The following EIF4A1 variants were observed in gnomAD, a reference collection of about 807,000 sequenced individuals.
EIF4A1 encodes the protein eukaryotic translation initiation factor 4A1.
EIF4A1 carries 11 observed loss-of-function variants against 53.5 expected under a neutral mutation model. That is an observed-to-expected ratio of 0.21 (90% CI 0.13 to 0.34). The LOEUF (loss-of-function observed/expected upper bound fraction) is 0.34. Ranked by LOEUF, EIF4A1 falls within the 10% of genes least tolerant of loss-of-function variation. EIF4A1 has a pLI of 1.00. For missense variants in EIF4A1, 213 were observed against 530.8 expected (o/e 0.40, Z 5.88); for synonymous variants, 237 against 186.7 (o/e 1.27, Z -2.20).
In EIF4A1 at chr17:7,577,756, CCTA is replaced by C; in HGVS notation, c.906+53_906+55del. On this transcript the variant is annotated intron_variant, in intron 8 of 10. Coordinates refer to ENST00000293831, the MANE Select transcript of EIF4A1 (RefSeq NM_001416.4). The surrounding 1 kb of genome is among the most constrained non-coding windows in gnomAD (Gnocchi z 4.7). ...TTGTGGGTCTGCCCGTCAGAAGTGT[CCTA>C]CTTGAAGCCAGGGTTCCTGGAACCC... 6.2e-7 allele frequency: 1 copy of C among 1,613,844 alleles called. No individual in the cohort carries two copies. Among genetic ancestry groups the C allele is most frequent in the Non-Finnish European group, 8.5e-7 (1 of 1,180,010 alleles).
In EIF4A1 at chr17:7,576,689, C is replaced by A. The variant is rs1286851546; in HGVS notation, c.511C>A (p.Leu171Met). Residue 171 changes from leucine (L) to methionine (M), a missense_variant, in exon 5 of 11, where the codon CTG becomes ATG. This residue lies in a region of EIF4A1 where 119 missense variants were observed against 351.0 expected (regional missense o/e 0.34). Coordinates refer to ENST00000293831, the MANE Select transcript of EIF4A1 (RefSeq NM_001416.4). The stretch of plus-strand genomic sequence containing the variant: ...GTTTGATATGCTTAACCGGAGATAC[C>A]TGTGTGAGTAATTCGGTTCTCCAAT... ...RVFDMLNRRY[L>M]SPKYIKMFVL... 4 of 1,600,992 alleles carry A rather than the reference C, an allele frequency of 2.5e-6. No individual in the cohort carries two copies. Among genetic ancestry groups the A allele is most frequent in the Non-Finnish European group, 3.4e-6 (4 of 1,172,772 alleles).
At chr17:7,575,645 T>G in intron 4 of EIF4A1, 1 of 346,040 alleles carries the variant, frequency 2.9e-6, no homozygotes, top group African/African-American at 2.1e-5. Flanking sequence ...GCACACACAA[T>G]TCTAATGCTG....
chr17:7,574,012 G>T, intron 1 of EIF4A1: 2 of 519,182 alleles, frequency 3.9e-6, no homozygotes, highest in Non-Finnish European at 6.9e-6. Flanking sequence ...CACGCCTGCC[G>T]GCCTGTCTTC....
intron 5 of EIF4A1, 114 bp from the exon 6 acceptor site, chr17:7,576,942 A>G: frequency 7.2e-7 from 1 of 1,385,462 alleles, no homozygotes; most frequent in South Asian, 1.2e-5. Context: ...CAGTCTTTGT[A>G]CTCTGAGAGC....
At position 7,578,717 on chromosome 17, in the gene EIF4A1, CACTA is replaced by C. The variant is rs1231794547; in HGVS notation, c.*233_*236del. 2.9e-6 allele frequency: 1 copy of C among 339,860 alleles called. No homozygotes were observed. Among genetic ancestry groups the C allele is most frequent in the Non-Finnish European group, 5.2e-6 (1 of 191,932 alleles). The allele number at this position is 339,860 out of a possible 1,614,324, so 21.1% of individuals were successfully genotyped here. ...TCTTCTCCCAAAAAAAAAAAAAAAACACTAATCCATTTCCCTAACCTAGTAACCT... is the reference window on the plus strand; with the variant it reads ...TCTTCTCCCAAAAAAAAAAAAAAAACATCCATTTCCCTAACCTAGTAACCT... On this transcript the variant is annotated 3_prime_UTR_variant, in exon 11 of 11. Transcript: ENST00000293831.
Position 7,578,506 on chromosome 17 carries a change from G to A in EIF4A1, c.*20G>A, listed in dbSNP as rs759368862. 2.2e-5 allele frequency: 35 copies of A among 1,559,944 alleles called. No homozygotes were observed. Among genetic ancestry groups the A allele is most frequent in the East Asian group, 1.1e-4 (5 of 44,080 alleles). ...ATCTGAGGGGCTGTCCTGCCACCCA[G>A]CCCCAGCCAGGGCTCAATCTCTGGG... is the stretch of plus-strand genomic sequence containing the variant. On this transcript the variant is annotated 3_prime_UTR_variant, in exon 11 of 11. Coordinates refer to ENST00000293831, the MANE Select transcript of EIF4A1 (RefSeq NM_001416.4).
In EIF4A1 at chr17:7,577,210, G is replaced by T. The variant is rs781272890; in HGVS notation, c.624+45G>T. The T allele has an allele frequency of 1.8e-5, 28 of 1,566,624 alleles. No individual in the cohort carries two copies. The highest frequency in any genetic ancestry group is 2.2e-5 in the Non-Finnish European group (26 of 1,160,458). Reference sequence around the variant, plus strand: ...AATAGCTAATGATTCTTGAAAAATAGTAAGTGCCAGGGGAACCATATACTG... The same window carrying T: ...AATAGCTAATGATTCTTGAAAAATATTAAGTGCCAGGGGAACCATATACTG... On this transcript the variant is annotated intron_variant, in intron 6 of 10. Transcript: ENST00000293831. The surrounding 1 kb of genome is among the most constrained non-coding windows in gnomAD (Gnocchi z 4.7).
intron 9 of EIF4A1, 85 bp from the exon 10 acceptor site, chr17:7,578,080 C>G: frequency 6.3e-7 from 1 of 1,595,594 alleles, no homozygotes; most frequent in Non-Finnish European, 8.6e-7. Context: ...CCTTCCTTGG[C>G]TGCCCACATG....
chr17:7,578,013 G>A, intron 9 of EIF4A1, 97 bp downstream of exon 9: 1 of 1,580,258 alleles, frequency 6.3e-7, no homozygotes, highest in Non-Finnish European at 8.7e-7. Flanking sequence ...GTAGCAGCTT[G>A]GAATAGAATC....
chr17:7,574,566 T>G lies in EIF4A1; in HGVS notation c.93T>G (p.Val31=). Residue 31 remains valine (V), a synonymous_variant, in exon 3 of 11, where the codon GTT becomes GTG. Transcript: ENST00000293831. ...GVIESNWNEI[V]DSFDDMNLSE... The stretch of plus-strand genomic sequence containing the variant: ...CCTAGAGTAACTGGAATGAGATTGT[T>G]GACAGCTTTGATGACATGAACCTCT... 1 of 1,612,450 alleles carries G rather than the reference T, an allele frequency of 6.2e-7. No individual in the cohort carries two copies. The highest frequency in any genetic ancestry group is 8.5e-7 in the Non-Finnish European group (1 of 1,179,982).
At chr17:7,574,966 G>A in intron 3 of EIF4A1, 153 bp from the exon 4 acceptor site, 1 of 1,147,790 alleles carries the variant, frequency 8.7e-7, no homozygotes, top group Non-Finnish European at 1.3e-6. Flanking sequence ...TTCTGATCTG[G>A]TTCCCATTGT....
chr17:7,577,719 G>A lies in EIF4A1; in HGVS notation c.906+13G>A, dbSNP rs372471773. The A allele has an allele frequency of 2.4e-5, 38 of 1,613,286 alleles. No individual in the cohort carries two copies. Among genetic ancestry groups the A allele is most frequent in the African/African-American group, 5.4e-5 (4 of 74,756 alleles). On this transcript the variant is annotated intron_variant, in intron 8 of 10. Transcript: ENST00000293831. This position sits in a 1 kb window ranked among gnomAD's most constrained non-coding sequence, Gnocchi z 4.7. ...TGTATCCGCCATGGTGTGTTTGCCC[G>A]CTGCCAGCCTGTTGTGGGTCTGCCC...
chr17:7,578,704 A>G lies in EIF4A1; in HGVS notation c.*218A>G. The stretch of plus-strand genomic sequence containing the variant: ...CCCAGGCGCCGGCTCTTCTCCCAAA[A>G]AAAAAAAAAAAACACTAATCCATTT... On this transcript the variant is annotated 3_prime_UTR_variant, in exon 11 of 11. Transcript: ENST00000293831. 1 of 375,842 alleles carries G rather than the reference A, an allele frequency of 2.7e-6. No homozygotes were observed. Among genetic ancestry groups the G allele is most frequent in the Non-Finnish European group, 4.6e-6 (1 of 216,794 alleles). The allele number at this position is 375,842 out of a possible 1,614,324, so 23.3% of individuals were successfully genotyped here. A position where few individuals can be genotyped will look rare whatever the true frequency, so the allele number is the denominator to read the frequency against.
At chr17:7,576,457 A>G in intron 4 of EIF4A1, 67 bp from the exon 5 acceptor site, 1 of 1,479,120 alleles carries the variant, frequency 6.8e-7, no homozygotes. Flanking sequence ...AATACATGAA[A>G]AACATTTAAG....
intron 1 of EIF4A1, chr17:7,573,191 C>G (rs1005380870): frequency 4.0e-5 from 21 of 523,038 alleles, no homozygotes; most frequent in Non-Finnish European, 6.9e-5. Context: ...TGGAGGCGGC[C>G]GCCACTATGT....
intron 3 of EIF4A1, 29 bp from the exon 4 acceptor site, chr17:7,575,090 C>A (rs577291092): frequency 6.2e-7 from 1 of 1,610,568 alleles, no homozygotes; most frequent in African/African-American, 1.3e-5. Context: ...TGCTCTTTAC[C>A]ACATTCAACT....
At chr17:7,572,939 TGA>T (rs2071343055) in intron 1 of EIF4A1, 75 bp downstream of exon 1, 1 of 1,612,496 alleles carries the variant, frequency 6.2e-7, no homozygotes, top group African/African-American at 1.3e-5. Flanking sequence ...CGGGGGTAGC[TGA>T]GAGGCCCACC....
chr17:7,578,276 C>G (rs768075454), intron 10 of EIF4A1, 32 bp downstream of exon 10: 1 of 1,614,090 alleles, frequency 6.2e-7, no homozygotes. Flanking sequence ...TCCCCTACCC[C>G]TTCACACCTG....
chr17:7,577,776 C>G lies in EIF4A1; in HGVS notation c.907-51C>G. 1 of 1,614,058 alleles carries G rather than the reference C, an allele frequency of 6.2e-7. No individual in the cohort carries two copies. Among genetic ancestry groups the G allele is most frequent in the Admixed American group, 1.7e-5 (1 of 60,008 alleles). On this transcript the variant is annotated intron_variant, in intron 8 of 10. Transcript: ENST00000293831. This position sits in a 1 kb window ranked among gnomAD's most constrained non-coding sequence, Gnocchi z 4.7. ...AGTGTCCTACTTGAAGCCAGGGTTC[C>G]TGGAACCCAGGTGCCTACCTGGTCT...
Sources: allele counts gnomAD v4.1 joint callset, GRCh38; gene constraint gnomAD v4.1.1; regional missense constraint gnomAD v4.1.1; non-coding constraint Gnocchi (gnomAD v3.1); transcripts MANE v1.5; gene names NCBI Gene and HGNC (gene_info 2026-07-23, HGNC 2026-07-21).